Variants in ATP8B1 observed in about 807,000 individuals in gnomAD.
ATP8B1 encodes the protein ATPase phospholipid transporting 8B1.
ATP8B1 carries 80 observed loss-of-function variants against 149.9 expected under a neutral mutation model. The observed-to-expected ratio is 0.53, with a 90% CI of 0.45 to 0.64. ATP8B1 has a LOEUF of 0.64. ATP8B1 is among the 30% of genes least tolerant of loss of function. The pLI, the probability that ATP8B1 is intolerant of heterozygous loss-of-function variation, is 0.00. For synonymous variants in ATP8B1, 536 were observed against 562.8 expected (o/e 0.95, Z 0.67); for missense variants, 1,247 against 1,552.6 (o/e 0.80, Z 3.31).
intron 25 of ATP8B1, 80 bp from the exon 26 acceptor site, chr18:57,652,252 A>T (rs1347320836): frequency 6.4e-7 from 1 of 1,573,340 alleles, no homozygotes; most frequent in African/African-American, 1.4e-5. Flanking sequence ...TCCTGAAAAC[A>T]GAATTCAGCA....
At chr18:57,683,971 A>G (rs1912105442) in intron 15 of ATP8B1, 65 bp downstream of exon 15, 1 of 1,587,358 alleles carries the variant, frequency 6.3e-7, no homozygotes, top group African/African-American at 1.3e-5. Context: ...TTGAGCCATA[A>G]GCAGGAGTTA....
chr18:57,746,262 T>C (rs531105627), intron 1 of ATP8B1, among the ~76,000 whole-genome samples: 2 of 152,244 alleles, frequency 1.3e-5, no homozygotes, highest in East Asian at 3.9e-4. Flanking sequence ...GTACATTTCA[T>C]GCAATTTTTA....
intron 1 of ATP8B1, among the ~76,000 whole-genome samples, chr18:57,743,908 C>A (rs1421764573): frequency 6.6e-6 from 1 of 152,164 alleles, no homozygotes; most frequent in Non-Finnish European, 1.5e-5. Context: ...CTGGAAACAG[C>A]ATCTCCTTGT....
intron 15 of ATP8B1, among the ~76,000 whole-genome samples, chr18:57,679,922 C>T (rs560723354): frequency 6.6e-6 from 1 of 151,980 alleles, no homozygotes; most frequent in Non-Finnish European, 1.5e-5. Flanking sequence ...ACCTCAGACT[C>T]CCAAAGTGCT....
intron 2 of ATP8B1, among the ~76,000 whole-genome samples, chr18:57,729,150 T>G (rs1330877907): frequency 6.6e-6 from 1 of 152,088 alleles, no homozygotes. Context: ...AAACAGGGGA[T>G]GAGAGTTTCC....
intron 15 of ATP8B1, among the ~76,000 whole-genome samples, chr18:57,675,256 G>A (rs1911524797): frequency 6.6e-6 from 1 of 152,152 alleles, no homozygotes; most frequent in Admixed American, 6.6e-5. Flanking sequence ...GGAGAATGAG[G>A]GAAAATTCCC....
At chr18:57,668,224 G>T (rs1297511330) in intron 19 of ATP8B1, 6 of 1,437,678 alleles carry the variant, frequency 4.2e-6, no homozygotes, top group Non-Finnish European at 4.6e-6. Context: ...TTATAAGGAA[G>T]AAACTGCTAC....
chr18:57,669,380 C>T lies in ATP8B1; in HGVS notation c.2035G>A (p.Ala679Thr), dbSNP rs1223528174. ...WNKKFMAASVASTNRDEALDK... is the reference protein window; with the variant it reads ...WNKKFMAASVTSTNRDEALDK... The stretch of plus-strand genomic sequence containing the variant: ...AGAGCTTCGTCCCGGTTGGTGGAGG[C>T]CACACTGGCAGCCATAAACTTTTTA... The change falls in exon 18 of 28, where the codon GCC becomes ACC. Residue 679 changes from alanine (A) to threonine (T), a missense_variant. Ala to Thr is a moderately conservative substitution (Grantham distance 58). Transcript: ENST00000648908. 1 of 1,613,966 alleles carries T rather than the reference C, an allele frequency of 6.2e-7. No individual in the cohort carries two copies. The highest frequency in any genetic ancestry group is 8.5e-7 in the Non-Finnish European group (1 of 1,179,966).
At chr18:57,706,271 AT>A (rs1913386903) in intron 3 of ATP8B1, among the ~76,000 whole-genome samples, 1 of 152,176 alleles carries the variant, frequency 6.6e-6, no homozygotes. Context: ...GAGAGAGAAA[AT>A]TTCAATCTAC....
At chr18:57,739,607 C>T (rs889103274) in intron 1 of ATP8B1, among the ~76,000 whole-genome samples, 7 of 152,104 alleles carry the variant, frequency 4.6e-5, no homozygotes, top group Non-Finnish European at 1.5e-5. Flanking sequence ...AGAGAGTTGT[C>T]TTACACCAAA....
intron 27 of ATP8B1, 103 bp from the exon 28 acceptor site, chr18:57,648,815 A>C: frequency 8.9e-7 from 1 of 1,119,086 alleles, no homozygotes; most frequent in Non-Finnish European, 1.3e-6. Context: ...CTCCCCTGAC[A>C]CCTGCCCCAT....
intron 26 of ATP8B1, among the ~76,000 whole-genome samples, chr18:57,651,640 G>A (rs904499446): frequency 6.9e-6 from 1 of 145,392 alleles, no homozygotes; most frequent in African/African-American, 2.5e-5. Context: ...TGTTTTTTTT[G>A]TTTTTTTTTT....
chr18:57,671,924 G>A (rs554180688), intron 16 of ATP8B1, among the ~76,000 whole-genome samples: 10 of 152,292 alleles, frequency 6.6e-5, no homozygotes, highest in Non-Finnish European at 1.5e-4. Flanking sequence ...ACCCAGCTAA[G>A]TTTGATTTTT....
intron 8 of ATP8B1, among the ~76,000 whole-genome samples, chr18:57,696,028 T>C (rs569049553): frequency 3.9e-5 from 6 of 152,256 alleles, no homozygotes; most frequent in Middle Eastern, 3.4e-3. Context: ...TGCCCCACCA[T>C]AGTGCAAGGT....
intron 14 of ATP8B1, among the ~76,000 whole-genome samples, chr18:57,684,870 A>G (rs967270588): frequency 6.6e-6 from 1 of 152,120 alleles, no homozygotes; most frequent in Non-Finnish European, 1.5e-5. Context: ...CACACGGGGG[A>G]CACCACGTGA....
At chr18:57,694,167 A>C (rs1912683209) in intron 11 of ATP8B1, among the ~76,000 whole-genome samples, 2 of 151,938 alleles carry the variant, frequency 1.3e-5, no homozygotes, top group African/African-American at 4.8e-5. Flanking sequence ...TTGTATTTGG[A>C]GCTATACAGT....
Position 57,785,650 on chromosome 18 carries a change from C to T in ATP8B1, c.-26+17348G>A, listed in dbSNP as rs562077473. Among the ~76,000 whole-genome samples, 26 of 152,208 alleles carry T rather than the reference C, an allele frequency of 1.7e-4. 1 individual carries two copies. Among genetic ancestry groups the T allele is most frequent in the South Asian group, 8.3e-4 (4 of 4,820 alleles). ...CCTCCTGAGTAGCTGGGATTACAGG[C>T]GCGTGCCACCATGCCCAGCTAATTT... On this transcript the variant is annotated intron_variant, in intron 1 of 27. Coordinates refer to ENST00000648908, the MANE Select transcript of ATP8B1 (RefSeq NM_001374385.1).
intron 1 of ATP8B1, among the ~76,000 whole-genome samples, chr18:57,778,015 A>G (rs1479651968): frequency 1.3e-5 from 2 of 152,218 alleles, no homozygotes; most frequent in Admixed American, 1.3e-4. Flanking sequence ...ATCAGGAAAT[A>G]ACAAACATGA....
At chr18:57,686,267 AC>A (rs766680118) in intron 13 of ATP8B1, among the ~76,000 whole-genome samples, 18 of 152,146 alleles carry the variant, frequency 1.2e-4, no homozygotes, top group Non-Finnish European at 2.2e-4. Flanking sequence ...TGTCTCAAAA[AC>A]AAAAACAACA....
Sources: allele counts gnomAD v4.1 joint callset (sites outside exome capture counted in the v4.1 genomes callset), GRCh38; gene constraint gnomAD v4.1.1; transcripts MANE v1.5; gene names NCBI Gene and HGNC (gene_info 2026-07-23, HGNC 2026-07-21).